WNK1: variants seen among roughly 807,000 people sequenced by gnomAD.
The protein encoded by WNK1 is serine/threonine-protein kinase WNK1.
In WNK1, 38 loss-of-function variants were observed where a neutral mutation model predicts 222.8. The observed-to-expected ratio is 0.17, with a 90% CI of 0.13 to 0.22. WNK1 has a LOEUF of 0.22. WNK1 is among the 10% of genes least tolerant of loss of function. WNK1 has a pLI of 1.00. For synonymous variants in WNK1, 1,090 were observed against 1,092.9 expected (o/e 1.00, Z 0.05); for missense variants, 2,348 against 2,918.4 (o/e 0.80, Z 4.50).
chr12:787,654 C>T (rs1025904221), intron 1 of WNK1, among the ~76,000 whole-genome samples: 5 of 152,004 alleles, frequency 3.3e-5, no homozygotes, highest in East Asian at 1.9e-4. Context: ...TTGTGTAAGT[C>T]GGTTTTCCTT....
chr12:856,458 GAA>G (rs34550768), intron 4 of WNK1, among the ~76,000 whole-genome samples: 2 of 121,296 alleles, frequency 1.6e-5, no homozygotes, highest in African/African-American at 6.9e-5. Context: ...CATCTCGAGG[GAA>G]AAAAAAAAAT....
At chr12:854,502 C>G (rs1300975340) in intron 4 of WNK1, among the ~76,000 whole-genome samples, 1 of 151,696 alleles carries the variant, frequency 6.6e-6, no homozygotes, top group Non-Finnish European at 1.5e-5. Flanking sequence ...GGATTACAGG[C>G]ACCCGCCATC....
intron 6 of WNK1, 79 bp from the exon 7 acceptor site, chr12:860,934 T>A (rs72648688): frequency 7.3e-7 from 1 of 1,363,120 alleles, no homozygotes; most frequent in Non-Finnish European, 1.0e-6. Context: ...TGCCTTTTTT[T>A]TTTTTGGCGG....
chr12:803,389 A>G (rs1946063178), intron 1 of WNK1, among the ~76,000 whole-genome samples: 1 of 152,242 alleles, frequency 6.6e-6, no homozygotes, highest in Non-Finnish European at 1.5e-5. Flanking sequence ...TTGTAAAACT[A>G]TAAAAATATA....
rs1205732954 is a variant in WNK1 at position 883,513 on chromosome 12, A to C, written c.3608A>C (p.Asp1203Ala). The change falls in exon 16 of 28, where the codon GAT becomes GCT. Residue 1203 changes from aspartate to alanine, a missense_variant. By Grantham distance (126) the Asp-to-Ala change is moderately radical (BLOSUM62 -2). This residue lies in a region of WNK1 where 1,144 missense variants were observed against 1,273.6 expected (regional missense o/e 0.90). Transcript: ENST00000315939. The part of the protein sequence containing the change: ...SEDVSVEPEG[D>A]QGLESLQGKD... ...GATGTCAGTGTGGAACCAGAGGGTG[A>C]TCAGGGATTGGAGAGTCTACAAGGA... The C allele has an allele frequency of 6.2e-7, 1 of 1,612,650 alleles. No homozygotes were observed. Among genetic ancestry groups the C allele is most frequent in the Non-Finnish European group, 8.5e-7 (1 of 1,179,202 alleles).
intron 4 of WNK1, among the ~76,000 whole-genome samples, chr12:835,734 C>G (rs1472849700): frequency 1.3e-5 from 2 of 152,124 alleles, no homozygotes; most frequent in East Asian, 3.9e-4. Context: ...TGGGGGATCA[C>G]TTGAGGTCAG....
chr12:801,778 A>C (rs1945901060), intron 1 of WNK1, among the ~76,000 whole-genome samples: 1 of 152,124 alleles, frequency 6.6e-6, no homozygotes, highest in Admixed American at 6.5e-5. Flanking sequence ...CATTACTACA[A>C]ATGAAAATTG....
In WNK1 at chr12:868,493, G is replaced by A. The variant is rs372477108; in HGVS notation, c.2140-2772G>A. On this transcript the variant is annotated intron_variant, in intron 8 of 27. Transcript: ENST00000315939. ...AAGATTAGATTCTGGATTGGGTCCG[G>A]GATCTCCCCTCTCTAGTATTTCTGC... 8.1e-6 allele frequency: 13 copies of A among 1,613,834 alleles called. No individual in the cohort carries two copies. In the Middle Eastern group the frequency reaches 4.9e-4, roughly 61 times the overall value.
intron 2 of WNK1, among the ~76,000 whole-genome samples, chr12:824,976 C>T (rs1389232570): frequency 6.6e-6 from 1 of 152,134 alleles, no homozygotes; most frequent in Non-Finnish European, 1.5e-5. Context: ...ATTCAATATG[C>T]TTCACCCGTA....
chr12:900,279 C>G (rs1048840119), intron 25 of WNK1, among the ~76,000 whole-genome samples, 197 bp from the exon 26 acceptor site: 1 of 152,202 alleles, frequency 6.6e-6, no homozygotes, highest in Non-Finnish European at 1.5e-5. Flanking sequence ...TGAGCCACAA[C>G]ACCCAGCCTA....
intron 21 of WNK1, among the ~76,000 whole-genome samples, chr12:890,158 G>A (rs1485986545): frequency 6.6e-6 from 1 of 151,574 alleles, no homozygotes; most frequent in Non-Finnish European, 1.5e-5. Context: ...TCGCCATGTT[G>A]GCCAGGCCGG....
chr12:868,400 C>T lies in WNK1; in HGVS notation c.2140-2865C>T, dbSNP rs753332165. On this transcript the variant is annotated intron_variant, in intron 8 of 27. Transcript: ENST00000315939. ...TGAACAGAAGCCAGTACAAGGGGGCCCTACTTCAAGTTCTGTCTTTGAATT... is the reference window on the plus strand; with the variant it reads ...TGAACAGAAGCCAGTACAAGGGGGCTCTACTTCAAGTTCTGTCTTTGAATT... 3 of 1,613,912 alleles carry T rather than the reference C, an allele frequency of 1.9e-6. No individual in the cohort carries two copies. The South Asian group carries it at 3.3e-5, about 18-fold the overall frequency.
chr12:782,473 A>G (rs536852582), intron 1 of WNK1, among the ~76,000 whole-genome samples: 1 of 152,306 alleles, frequency 6.6e-6, no homozygotes, highest in East Asian at 1.9e-4. Context: ...CATTGGATAT[A>G]TTACTCTGCG....
At chr12:858,191 ACT>A (rs1413557966) in intron 5 of WNK1, among the ~76,000 whole-genome samples, 37 of 147,716 alleles carry the variant, frequency 2.5e-4, no homozygotes, top group African/African-American at 8.7e-4. Context: ...GTTTGTTTCA[ACT>A]CTTTTTTTTT....
At chr12:818,022 A>G (rs542745649) in intron 2 of WNK1, among the ~76,000 whole-genome samples, 4 of 152,338 alleles carry the variant, frequency 2.6e-5, no homozygotes, top group African/African-American at 2.4e-5. Context: ...TTAAATAGAC[A>G]TGAAATTCAA....
chr12:776,981 A>C (rs1943176480), intron 1 of WNK1, among the ~76,000 whole-genome samples: 1 of 152,142 alleles, frequency 6.6e-6, no homozygotes, highest in South Asian at 2.1e-4. Flanking sequence ...TGAAGATAAA[A>C]AGACTGTACT....
At chr12:759,673 T>C (rs1940742594) in intron 1 of WNK1, among the ~76,000 whole-genome samples, 1 of 147,818 alleles carries the variant, frequency 6.8e-6, no homozygotes, top group Admixed American at 6.7e-5. Context: ...TAGGTGAGAC[T>C]TAGCATGACC....
In WNK1 at chr12:869,016, C is replaced by T; in HGVS notation, c.2140-2249C>T. ...CCTCAGACAGTGTTACAAGAATCCC[C>T]ACTTTTCTTCTGTTTCCCCCAAGGA... is the stretch of plus-strand genomic sequence containing the variant. On this transcript the variant is annotated intron_variant, in intron 8 of 27. Transcript: ENST00000315939. The T allele has an allele frequency of 1.2e-6, 2 of 1,611,254 alleles. No individual in the cohort carries two copies. The highest frequency in any genetic ancestry group is 1.7e-6 in the Non-Finnish European group (2 of 1,178,762).
At chr12:804,738 A>G (rs1264682647) in intron 1 of WNK1, among the ~76,000 whole-genome samples, 1 of 151,782 alleles carries the variant, frequency 6.6e-6, no homozygotes, top group Non-Finnish European at 1.5e-5. Flanking sequence ...GTCCCTGGCA[A>G]CCTTTTTTCT....
Sources: gnomAD v4.1 joint callset for allele counts (sites outside exome capture counted in the v4.1 genomes callset) on GRCh38, gnomAD v4.1.1 for gene constraint, gnomAD v4.1.1 regional missense constraint, MANE v1.5 for transcripts, NCBI Gene and HGNC (gene_info 2026-07-23, HGNC 2026-07-21) for gene names.